Variants in DNAH9 observed in about 807,000 individuals in gnomAD.
DNAH9 encodes dynein axonemal heavy chain 9.
Under a neutral mutation model 471.6 loss-of-function variants are expected in DNAH9, and 345 were observed. That is an observed-to-expected ratio of 0.73 (90% CI 0.67 to 0.80). The LOEUF is 0.80. Ranked by LOEUF, DNAH9 falls within the 30% of genes least tolerant of loss-of-function variation. The probability of loss-of-function intolerance (pLI) is 0.00; values close to 1 mark genes in which losing one functional copy is unlikely to be tolerated. For synonymous variants in DNAH9, 2,093 were observed against 2,123.6 expected (o/e 0.99, Z 0.40); for missense variants, 5,407 against 5,609.2 (o/e 0.96, Z 1.15).
At chr17:11,908,002 G>A (rs931228251) in intron 61 of DNAH9, among the ~76,000 whole-genome samples, 4 of 152,070 alleles carry the variant, frequency 2.6e-5, no homozygotes, top group East Asian at 3.9e-4. Flanking sequence ...TGTCTGTGTC[G>A]TCTTAGATTC....
In DNAH9 at chr17:11,719,505, G is replaced by T; in HGVS notation, c.5709+15G>T. 6.3e-7 allele frequency: 1 copy of T among 1,599,296 alleles called. No homozygotes were observed. The highest frequency in any genetic ancestry group is 2.2e-5 in the East Asian group (1 of 44,474). ...TGGATTACAAGGTACAGTTCCACCC[G>T]GCTTCCTGGGGGTGGGGGTGGGGGA... On this transcript the variant is annotated intron_variant, in intron 27 of 68. Coordinates refer to ENST00000262442, the MANE Select transcript of DNAH9 (RefSeq NM_001372.4).
At chr17:11,640,216 G>A (rs1413241223) in intron 9 of DNAH9, 54 bp from the exon 10 acceptor site, 1 of 1,075,704 alleles carries the variant, frequency 9.3e-7, no homozygotes, top group Admixed American at 2.2e-5. Context: ...TTGCCGAGCG[G>A]AGAGGACTGA....
intron 45 of DNAH9, among the ~76,000 whole-genome samples, chr17:11,812,368 T>C (rs1337518661): frequency 6.6e-6 from 1 of 151,802 alleles, no homozygotes; most frequent in African/African-American, 2.4e-5. Flanking sequence ...ACAAGTACCT[T>C]TCTCCATAGT....
intron 61 of DNAH9, among the ~76,000 whole-genome samples, chr17:11,908,748 A>C (rs1270238628): frequency 6.6e-6 from 1 of 152,260 alleles, no homozygotes; most frequent in African/African-American, 2.4e-5. Context: ...TGTGGACAAA[A>C]AGAATCTCCT....
intron 62 of DNAH9, among the ~76,000 whole-genome samples, chr17:11,926,694 T>C (rs960322327): frequency 8.5e-5 from 13 of 152,364 alleles, no homozygotes; most frequent in African/African-American, 2.9e-4. Flanking sequence ...TCTTTGCTAT[T>C]GTGAATAGTG....
intron 62 of DNAH9, 29 bp downstream of exon 62, chr17:11,923,970 T>C: frequency 6.2e-7 from 1 of 1,610,052 alleles, no homozygotes; most frequent in Non-Finnish European, 8.5e-7. Context: ...GTCTGGGTTA[T>C]CTTGACCCAT....
At chr17:11,758,791 A>G (rs1277332861) in intron 35 of DNAH9, among the ~76,000 whole-genome samples, 1 of 152,130 alleles carries the variant, frequency 6.6e-6, no homozygotes, top group Non-Finnish European at 1.5e-5. Flanking sequence ...AGTAGGTGAC[A>G]TTGTGGTCTA....
chr17:11,860,957 G>T (rs538056298), intron 50 of DNAH9, among the ~76,000 whole-genome samples: 1 of 151,846 alleles, frequency 6.6e-6, no homozygotes, highest in East Asian at 1.9e-4. Context: ...CTCTTTCCTT[G>T]AAGTCTTCTA....
chr17:11,689,552 A>G lies in DNAH9; in HGVS notation c.3744-14A>G. 6.2e-7 allele frequency: 1 copy of G among 1,600,404 alleles called. No individual in the cohort carries two copies. The highest frequency in any genetic ancestry group is 8.5e-7 in the Non-Finnish European group (1 of 1,173,576). Reference sequence around the variant, plus strand: ...GCGTGCCATACTTACAAAGGAACACACTGTGTTTTGTAGGTTTGATAGCAT... The same window carrying G: ...GCGTGCCATACTTACAAAGGAACACGCTGTGTTTTGTAGGTTTGATAGCAT... On this transcript the variant is annotated splice_polypyrimidine_tract_variant and intron_variant, in intron 19 of 68. Transcript: ENST00000262442.
chr17:11,664,003 C>T (rs7222819), intron 14 of DNAH9, among the ~76,000 whole-genome samples: 86,250 of 151,980 alleles, frequency 0.57, 25,398 homozygotes, highest in Admixed American at 0.69. Flanking sequence ...CATGGCAATA[C>T]ACCCTGAAGA....
chr17:11,807,671 A>G, intron 43 of DNAH9, 61 bp from the exon 44 acceptor site: 1 of 1,544,038 alleles, frequency 6.5e-7, no homozygotes, highest in South Asian at 1.2e-5. Flanking sequence ...AAGCCTTTAT[A>G]CATGCTTCTG....
chr17:11,831,248 C>T (rs776494196), intron 48 of DNAH9, among the ~76,000 whole-genome samples: 6 of 152,098 alleles, frequency 3.9e-5, no homozygotes, highest in Admixed American at 6.5e-5. Context: ...CCAATGTCTG[C>T]ATCTGATGAA....
At chr17:11,731,188 ATGG>A (rs1375571536) in intron 28 of DNAH9, among the ~76,000 whole-genome samples, 4 of 151,292 alleles carry the variant, frequency 2.6e-5, no homozygotes. Flanking sequence ...GATGGTGATG[ATGG>A]TGGTTATTAT....
Position 11,834,758 on chromosome 17 carries a change from G to A in DNAH9, c.9367G>A (p.Ala3123Thr), listed in dbSNP as rs376876320. The A allele has an allele frequency of 3.7e-6, 6 of 1,614,014 alleles. No homozygotes were observed. In the African/African-American group the frequency reaches 6.7e-5, roughly 18 times the overall value. ...VETDKVSREK[A>T]MADEEEQKVA... ...GACTGACAAAGTGAGCAGAGAGAAA[G>A]CCATGGCAGATGAAGAGGAGCAGAA... The change falls in exon 49 of 69, where the codon GCC (alanine) becomes ACC (threonine). Residue 3123 changes from alanine (A) to threonine (T), a missense_variant. Transcript: ENST00000262442.
chr17:11,963,201 G>A (rs534132275), intron 68 of DNAH9, among the ~76,000 whole-genome samples: 5 of 152,212 alleles, frequency 3.3e-5, no homozygotes, highest in Admixed American at 1.3e-4. Context: ...TTGGGAGGCC[G>A]AGGCGGGCAG....
chr17:11,907,362 C>T (rs1350554081), intron 61 of DNAH9, among the ~76,000 whole-genome samples: 1 of 151,608 alleles, frequency 6.6e-6, no homozygotes, highest in Admixed American at 6.6e-5. Context: ...CCCAGCCACT[C>T]AGGAGGCTGA....
intron 52 of DNAH9, chr17:11,873,519 G>C (rs903785263): frequency 4.6e-5 from 7 of 152,294 alleles, no homozygotes; most frequent in Non-Finnish European, 1.0e-4. Flanking sequence ...GATGGGAGAT[G>C]GTTTGGAGAG....
chr17:11,603,812 C>T (rs1000262808), intron 1 of DNAH9, among the ~76,000 whole-genome samples: 3 of 152,134 alleles, frequency 2.0e-5, no homozygotes, highest in South Asian at 2.1e-4. Flanking sequence ...AATAAAATAA[C>T]GTGTCAATGT....
chr17:11,650,208 C>A (rs1046503009), intron 12 of DNAH9, among the ~76,000 whole-genome samples: 1 of 152,086 alleles, frequency 6.6e-6, no homozygotes, highest in African/African-American at 2.4e-5. Context: ...AGAATTGACC[C>A]AGAGTACTGG....
Sources: allele counts gnomAD v4.1 joint callset (sites outside exome capture counted in the v4.1 genomes callset), GRCh38; gene constraint gnomAD v4.1.1; transcripts MANE v1.5; gene names NCBI Gene and HGNC (gene_info 2026-07-23, HGNC 2026-07-21).